Variants in ERBB3 observed in about 807,000 individuals in gnomAD.
The protein encoded by ERBB3 is erb-b2 receptor tyrosine kinase 3, also known as receptor tyrosine-protein kinase erbB-3.
Under a neutral mutation model 156.7 loss-of-function variants are expected in ERBB3, and 96 were observed. The observed-to-expected ratio is 0.61, with a 90% CI of 0.52 to 0.73. The LOEUF (loss-of-function observed/expected upper bound fraction) is 0.73. ERBB3 is among the 30% of genes least tolerant of loss of function. ERBB3 has a pLI of 0.00. For synonymous variants in ERBB3, 567 were observed against 632.0 expected (o/e 0.90, Z 1.54); for missense variants, 1,406 against 1,709.4 (o/e 0.82, Z 3.13).
chr12:56,100,528 G>C (rs1479037411), intron 26 of ERBB3, among the ~76,000 whole-genome samples: 1 of 151,862 alleles, frequency 6.6e-6, no homozygotes, highest in African/African-American at 2.4e-5. Context: ...TGTAATCACA[G>C]CTACTCAGGA....
At chr12:56,084,825 G>A (rs1387032394) in intron 2 of ERBB3, among the ~76,000 whole-genome samples, 170 bp from the exon 3 acceptor site, 2 of 151,894 alleles carry the variant, frequency 1.3e-5, no homozygotes, top group African/African-American at 4.8e-5. Context: ...TCCAGCCTGG[G>A]CAACAAGAGC....
intron 9 of ERBB3, chr12:56,089,150 T>G (rs1868586428): frequency 6.0e-6 from 3 of 499,952 alleles, no homozygotes; most frequent in African/African-American, 1.9e-5. Flanking sequence ...TTTTTCTTTT[T>G]TGAGATAGGG....
chr12:56,082,062 T>A (rs772587136), intron 1 of ERBB3, among the ~76,000 whole-genome samples: 1 of 152,168 alleles, frequency 6.6e-6, no homozygotes, highest in Non-Finnish European at 1.5e-5. Context: ...AGCAGGGAAC[T>A]GGGCTACCTC....
At chr12:56,098,941 TTTTC>T (rs757187439) in intron 23 of ERBB3, 36 bp downstream of exon 23, 7 of 1,540,860 alleles carry the variant, frequency 4.5e-6, no homozygotes, top group Non-Finnish European at 4.4e-6. Context: ...TTTTCTCTTT[TTTTC>T]TTTTTTTTTC....
intron 27 of ERBB3, 40 bp from the exon 28 acceptor site, chr12:56,101,489 G>C: frequency 6.2e-7 from 1 of 1,609,650 alleles, no homozygotes; most frequent in Non-Finnish European, 8.5e-7. Context: ...CTACCCTCAT[G>C]AAGTTCTTCA....
At position 56,096,784 on chromosome 12, in the gene ERBB3, C is replaced by T. The variant is rs2136817698; in HGVS notation, c.2212C>T (p.Pro738Ser). The T allele has an allele frequency of 1.2e-6, 2 of 1,613,950 alleles. No homozygotes were observed. Among genetic ancestry groups the T allele is most frequent in the Non-Finnish European group, 1.7e-6 (2 of 1,179,944 alleles). ...CCCTGAGGGTGAATCAATCAAGATT[C>T]CAGTCTGCATTAAAGTCATTGAGGA... ...WIPEGESIKI[P>S]VCIKVIEDKS... Residue 738 changes from proline to serine, a missense_variant, in exon 19 of 28, where the codon CCA (proline) becomes TCA (serine). Around this residue, in one of 3 missense-constraint regions of ERBB3, gnomAD observed 979 missense variants for 1,219.6 expected, o/e 0.80. Coordinates refer to ENST00000267101, the MANE Select transcript of ERBB3 (RefSeq NM_001982.4).
rs142358877 is a variant in ERBB3, at chr12:56,085,066, C to A, written c.306C>A (p.Leu102=). The change falls in exon 3 of 28, where the codon CTC becomes CTA. Residue 102 remains leucine, a synonymous_variant. Coordinates refer to ENST00000267101, the MANE Select transcript of ERBB3 (RefSeq NM_001982.4). The part of the protein sequence containing the change: ...NEFSTLPLPN[L]RVVRGTQVYD... ...TCTCTACTCTACCATTGCCCAACCT[C>A]CGCGTGGTGCGAGGGACCCAGGTCT... 4.2e-5 allele frequency: 68 copies of A among 1,614,168 alleles called. No homozygotes were observed. In the African/African-American group the frequency reaches 8.8e-4, roughly 21 times the overall value.
intron 7 of ERBB3, 82 bp from the exon 8 acceptor site, chr12:56,088,461 C>A (rs746546969): frequency 5.4e-6 from 6 of 1,114,574 alleles, no homozygotes; most frequent in Non-Finnish European, 8.3e-6. Flanking sequence ...CTGGAGGGAG[C>A]CTAGGCCCAG....
In ERBB3 at chr12:56,099,943, T is replaced by G. The variant is rs1869032683; in HGVS notation, c.3043T>G (p.Leu1015Val). 1 of 1,614,046 alleles carries G rather than the reference T, an allele frequency of 6.2e-7. No individual in the cohort carries two copies. The highest frequency in any genetic ancestry group is 1.1e-5 in the South Asian group (1 of 91,084). The change falls in exon 25 of 28, where the codon TTG (leucine) becomes GTG (valine). Residue 1015 changes from leucine (L) to valine (V), a missense_variant. Physicochemically the swap from Leu to Val is conservative, Grantham distance 32. Around this residue, in one of 3 missense-constraint regions of ERBB3, gnomAD observed 415 missense variants for 454.1 expected, o/e 0.91. Transcript: ENST00000267101. The stretch of plus-strand genomic sequence containing the variant: ...GCCAGAACTAGACCTAGACCTAGAC[T>G]TGGAAGCAGAGGAGGACAACCTGGC... ...LEPELDLDLDLEAEEDNLATT... is the reference protein window; with the variant it reads ...LEPELDLDLDVEAEEDNLATT...
intron 5 of ERBB3, 70 bp downstream of exon 5, chr12:56,087,712 C>T (rs1868532643): frequency 6.3e-7 from 1 of 1,590,890 alleles, no homozygotes; most frequent in Non-Finnish European, 8.6e-7. Context: ...AAGCCTGGGT[C>T]AACACTGTGG....
At position 56,096,542 on chromosome 12, in the gene ERBB3, G is replaced by C; in HGVS notation, c.2095G>C (p.Val699Leu). 1 of 1,614,216 alleles carries C rather than the reference G, an allele frequency of 6.2e-7. No homozygotes were observed. The highest frequency in any genetic ancestry group is 2.2e-5 in the East Asian group (1 of 44,884). ...GGACCCCAGTGAGAAGGCTAACAAA[G>C]TCTTGGCCAGAATCTTCAAAGAGAC... ...PLDPSEKANK[V>L]LARIFKETEL... The change falls in exon 18 of 28, where the codon GTC becomes CTC. Residue 699 changes from valine (V) to leucine (L), a missense_variant. Physicochemically the swap from Val to Leu is conservative, Grantham distance 32. Around this residue, in one of 3 missense-constraint regions of ERBB3, gnomAD observed 979 missense variants for 1,219.6 expected, o/e 0.80. Coordinates refer to ENST00000267101, the MANE Select transcript of ERBB3 (RefSeq NM_001982.4).
chr12:56,087,826 T>C lies in ERBB3; in HGVS notation c.645T>C (p.Asn215=). ...AGACCATCTGTGCTCCTCAGTGTAATGGTCACTGCTTTGGGCCCAACCCCA... is the reference window on the plus strand; with the variant it reads ...AGACCATCTGTGCTCCTCAGTGTAACGGTCACTGCTTTGGGCCCAACCCCA... The part of the protein sequence containing the change: ...LTKTICAPQC[N]GHCFGPNPNQ... The change falls in exon 6 of 28, where the codon AAT becomes AAC. Residue 215 remains asparagine (N), a synonymous_variant. Transcript: ENST00000267101. 6.2e-7 allele frequency: 1 copy of C among 1,614,140 alleles called. No individual in the cohort carries two copies. The highest frequency in any genetic ancestry group is 8.5e-7 in the Non-Finnish European group (1 of 1,180,010).
chr12:56,091,104 T>C (rs1868666215), intron 9 of ERBB3, among the ~76,000 whole-genome samples: 1 of 149,902 alleles, frequency 6.7e-6, no homozygotes, highest in African/African-American at 2.5e-5. Flanking sequence ...GATTCAAGTT[T>C]TTGTAGTTTT....
intron 15 of ERBB3, 79 bp from the exon 16 acceptor site, chr12:56,095,178 A>G (rs187302474): frequency 8.8e-7 from 1 of 1,134,328 alleles, no homozygotes; most frequent in African/African-American, 1.5e-5. Flanking sequence ...GTTCTGAAAC[A>G]AGCTTTTATA....
At position 56,088,802 on chromosome 12, in the gene ERBB3, T is replaced by C. The variant is rs1452172378; in HGVS notation, c.1043T>C (p.Ile348Thr). ...TTCCAGACTGTGGACTCGAGCAACA[T>C]TGATGGATTTGTGAACTGCACCAAG... Reference protein sequence around the residue: ...SRFQTVDSSNIDGFVNCTKIL... With the variant: ...SRFQTVDSSNTDGFVNCTKIL... The change falls in exon 9 of 28, where the codon ATT (isoleucine) becomes ACT (threonine). Residue 348 changes from isoleucine (I) to threonine (T), a missense_variant. Physicochemically the swap from Ile to Thr is moderately conservative, Grantham distance 89 (BLOSUM62 -1). Around this residue, in one of 3 missense-constraint regions of ERBB3, gnomAD observed 979 missense variants for 1,219.6 expected, o/e 0.80. Transcript: ENST00000267101. 1.2e-6 allele frequency: 2 copies of C among 1,614,116 alleles called. No individual in the cohort carries two copies. Among genetic ancestry groups the C allele is most frequent in the Admixed American group, 1.7e-5 (1 of 60,014 alleles).
At position 56,087,821 on chromosome 12, in the gene ERBB3, T is replaced by G; in HGVS notation, c.640T>G (p.Cys214Gly). ...TLTKTICAPQ[C>G]NGHCFGPNPN... is the part of the protein sequence containing the mutation. ...GACCAAGACCATCTGTGCTCCTCAG[T>G]GTAATGGTCACTGCTTTGGGCCCAA... Residue 214 changes from cysteine to glycine, a missense_variant, in exon 6 of 28, where the codon TGT becomes GGT. Coordinates refer to ENST00000267101, the MANE Select transcript of ERBB3 (RefSeq NM_001982.4). The G allele has an allele frequency of 6.2e-7, 1 of 1,614,060 alleles. No homozygotes were observed.
chr12:56,094,041 G>A (rs1470499059), intron 13 of ERBB3, 58 bp from the exon 14 acceptor site: 47 of 1,559,928 alleles, frequency 3.0e-5, no homozygotes, highest in East Asian at 4.5e-5. Flanking sequence ...TTGTGAGATC[G>A]GAGCATGAAG....
intron 12 of ERBB3, 37 bp from the exon 13 acceptor site, chr12:56,093,727 C>T (rs755759349): frequency 3.1e-6 from 5 of 1,612,558 alleles, no homozygotes; most frequent in Non-Finnish European, 4.2e-6. Flanking sequence ...GCTGGGAGTC[C>T]TCAGACTCCT....
At position 56,101,990 on chromosome 12, in the gene ERBB3, G is replaced by A. The variant is rs764048066; in HGVS notation, c.3964G>A (p.Ala1322Thr). Residue 1322 changes from alanine (A) to threonine (T), a missense_variant, in exon 28 of 28, where the codon GCC becomes ACC. Physicochemically the swap from Ala to Thr is moderately conservative, Grantham distance 58 (BLOSUM62 0). Around this residue, in one of 3 missense-constraint regions of ERBB3, gnomAD observed 415 missense variants for 454.1 expected, o/e 0.91. Coordinates refer to ENST00000267101, the MANE Select transcript of ERBB3 (RefSeq NM_001982.4). ...TLRSLEATDS[A>T]FDNPDYWHSR... Reference sequence around the variant, plus strand: ...ACGTAGCTTAGAGGCTACAGACTCTGCCTTTGATAACCCTGATTACTGGCA... The same window carrying A: ...ACGTAGCTTAGAGGCTACAGACTCTACCTTTGATAACCCTGATTACTGGCA... The A allele has an allele frequency of 1.9e-6, 3 of 1,613,642 alleles. No homozygotes were observed. The highest frequency in any genetic ancestry group is 2.5e-6 in the Non-Finnish European group (3 of 1,179,984).
Sources: allele counts gnomAD v4.1 joint callset (sites outside exome capture counted in the v4.1 genomes callset), GRCh38; gene constraint gnomAD v4.1.1; regional missense constraint gnomAD v4.1.1; transcripts MANE v1.5; gene names NCBI Gene and HGNC (gene_info 2026-07-23, HGNC 2026-07-21).